CTNNA2: variants seen among roughly 807,000 people sequenced by gnomAD.
The protein encoded by CTNNA2 is catenin alpha-2.
In CTNNA2, 42 loss-of-function variants were observed where a neutral mutation model predicts 101.0. The observed-to-expected ratio is 0.42, with a 90% CI of 0.32 to 0.54. The LOEUF is 0.54. Ranked by LOEUF, CTNNA2 falls within the 20% of genes least tolerant of loss-of-function variation. CTNNA2 has a pLI of 0.14. For synonymous variants in CTNNA2, 450 were observed against 456.4 expected, an observed-to-expected ratio of 0.99 and a Z score of 0.18; for missense variants, 871 against 1,223.1, an observed-to-expected ratio of 0.71 and a Z score of 4.29.
intron 7 of CTNNA2, among the ~76,000 whole-genome samples, chr2:80,004,685 ATTTAT>A (rs1693206111): frequency 5.3e-5 from 7 of 131,812 alleles, no homozygotes; most frequent in Non-Finnish European, 7.8e-5. Context: ...TTATTTATTT[ATTTAT>A]TTATTTATTT....
intron 1 of CTNNA2, among the ~76,000 whole-genome samples, chr2:79,585,226 TTTATCTC>T (rs1395576129): frequency 6.6e-6 from 1 of 152,012 alleles, no homozygotes; most frequent in Non-Finnish European, 1.5e-5. Context: ...CTATATTACT[TTTATCTC>T]TTAATGTTTG....
intron 9 of CTNNA2, among the ~76,000 whole-genome samples, chr2:80,452,028 G>A (rs1559121682): frequency 6.6e-6 from 1 of 152,158 alleles, no homozygotes; most frequent in South Asian, 2.1e-4. Flanking sequence ...TTAAATAGAT[G>A]ACTAATTATA....
chr2:79,187,260 CTT>C (rs1318902739), intron 1 of CTNNA2, among the ~76,000 whole-genome samples: 1 of 99,902 alleles, frequency 1.0e-5, no homozygotes, highest in African/African-American at 5.0e-5. Flanking sequence ...CTTTTCTTTT[CTT>C]TTCTTTTCTT....
At chr2:79,928,641 A>G (rs1687189654) in intron 7 of CTNNA2, among the ~76,000 whole-genome samples, 1 of 152,190 alleles carries the variant, frequency 6.6e-6, no homozygotes, top group African/African-American at 2.4e-5. Context: ...TGTCTGCCCA[A>G]TTTCCAATCA....
chr2:79,839,443 A>G (rs546333369), intron 3 of CTNNA2, among the ~76,000 whole-genome samples: 5 of 152,062 alleles, frequency 3.3e-5, no homozygotes, highest in African/African-American at 1.2e-4. Flanking sequence ...TTCCTGAATA[A>G]GAGAATTTAT....
intron 7 of CTNNA2, among the ~76,000 whole-genome samples, chr2:80,145,082 C>T (rs924206137): frequency 6.6e-6 from 1 of 152,148 alleles, no homozygotes; most frequent in Non-Finnish European, 1.5e-5. Context: ...GCTATGGATA[C>T]AGAAATGAAG....
At chr2:80,395,482 C>T (rs920243364) in intron 8 of CTNNA2, among the ~76,000 whole-genome samples, 2 of 152,210 alleles carry the variant, frequency 1.3e-5, no homozygotes, top group Admixed American at 1.3e-4. Context: ...TCTTTCTTCT[C>T]ATCTCTTTGC....
At chr2:80,435,890 T>C (rs1681983018) in intron 9 of CTNNA2, among the ~76,000 whole-genome samples, 2 of 152,220 alleles carry the variant, frequency 1.3e-5, no homozygotes, top group Non-Finnish European at 2.9e-5. Flanking sequence ...CTTTCCATAG[T>C]GCCCTGACAT....
At position 80,312,111 on chromosome 2, in the gene CTNNA2, G is replaced by A. The variant is rs543675625; in HGVS notation, c.1057-81100G>A. ...TGTTCCTCATTGCCACAAAGAAATA[G>A]CATTCGAACATAAATTTGATTCTCT... On this transcript the variant is annotated intron_variant, in intron 7 of 18. Coordinates refer to ENST00000402739, the MANE Select transcript of CTNNA2 (RefSeq NM_001282597.3). Among the ~76,000 whole-genome samples the A allele has an allele frequency of 6.6e-5, 10 of 152,280 alleles. No individual in the cohort carries two copies. In the South Asian group the frequency reaches 1.4e-3, roughly 22 times the overall value.
chr2:79,498,125 A>G (rs189942566), intron 4 of CTNNA2: 73 of 152,354 alleles, frequency 4.8e-4, no homozygotes, highest in Middle Eastern at 3.4e-3. Flanking sequence ...TCCTATATGT[A>G]GATACCACAT....
chr2:79,726,743 A>G (rs992368278), intron 2 of CTNNA2, among the ~76,000 whole-genome samples: 1 of 152,222 alleles, frequency 6.6e-6, no homozygotes, highest in African/African-American at 2.4e-5. Context: ...ATTTCTTTGG[A>G]AAACAAGGCA....
At chr2:79,260,752 C>T (rs1674910952) in intron 2 of CTNNA2, among the ~76,000 whole-genome samples, 1 of 152,100 alleles carries the variant, frequency 6.6e-6, no homozygotes, top group Admixed American at 6.5e-5. Context: ...GCAATACTAG[C>T]CAGAAATTGA....
chr2:80,192,062 A>T lies in CTNNA2; in HGVS notation c.1057-201149A>T, dbSNP rs139116673. On this transcript the variant is annotated intron_variant, in intron 7 of 18. Coordinates refer to ENST00000402739, the MANE Select transcript of CTNNA2 (RefSeq NM_001282597.3). ...ATTTTCTCTAAAATTATACATTGAA[A>T]ATATGGGATTTTTCATCTTCAAAAA... is the stretch of plus-strand genomic sequence containing the variant. 1.4e-3 allele frequency among the ~76,000 whole-genome samples: 210 copies of T among 152,338 alleles called. 1 individual carries two copies. The highest frequency in any genetic ancestry group is 4.7e-3 in the African/African-American group (196 of 41,586).
At chr2:79,686,354 G>C (rs1016124979) in intron 2 of CTNNA2, among the ~76,000 whole-genome samples, 3 of 152,092 alleles carry the variant, frequency 2.0e-5, no homozygotes, top group African/African-American at 7.2e-5. Context: ...GGCCGAAGGA[G>C]GAAGGCACAA....
chr2:80,240,709 G>A (rs1257288182), intron 7 of CTNNA2, among the ~76,000 whole-genome samples: 1 of 152,076 alleles, frequency 6.6e-6, no homozygotes, highest in Non-Finnish European at 1.5e-5. Context: ...TATAGGTATA[G>A]AGGCAAGAAG....
At chr2:80,504,641 G>A (rs750002968) in intron 9 of CTNNA2, among the ~76,000 whole-genome samples, 44 of 152,192 alleles carry the variant, frequency 2.9e-4, no homozygotes, top group Non-Finnish European at 5.3e-4. Context: ...GAACCTGAAG[G>A]GCCTTGGGTG....
intron 3 of CTNNA2, among the ~76,000 whole-genome samples, chr2:79,851,737 CTTTTTTTTTTTTTTT>C (rs11399192): frequency 1.1e-5 from 1 of 87,124 alleles, no homozygotes; most frequent in Non-Finnish European, 2.0e-5. Context: ...TTTTCTTTTC[CTTTTTTTTTTTTTTT>C]TTTTTTTGAG....
chr2:79,880,855 T>C (rs1683374831), intron 6 of CTNNA2, among the ~76,000 whole-genome samples: 1 of 152,194 alleles, frequency 6.6e-6, no homozygotes, highest in African/African-American at 2.4e-5. Context: ...TCTTATATTC[T>C]GCTAGCTATT....
chr2:79,936,681 A>G (rs551538485), intron 7 of CTNNA2, among the ~76,000 whole-genome samples: 2 of 152,078 alleles, frequency 1.3e-5, no homozygotes, highest in African/African-American at 2.4e-5. Context: ...CCTCACCTTA[A>G]TCCATCTTGC....
Sources: allele counts gnomAD v4.1 joint callset (sites outside exome capture counted in the v4.1 genomes callset), GRCh38; gene constraint gnomAD v4.1.1; transcripts MANE v1.5; gene names NCBI Gene and HGNC (gene_info 2026-07-23, HGNC 2026-07-21).